TIMD4: variants seen among roughly 807,000 people sequenced by gnomAD.
TIMD4 encodes T cell immunoglobulin and mucin domain containing 4.
A neutral mutation model predicts 41.2 loss-of-function variants in TIMD4; 31 were observed. That is an observed-to-expected ratio of 0.75 (90% confidence interval 0.57 to 1.01). TIMD4 has a LOEUF of 1.01. Ranked by LOEUF, TIMD4 falls within the 50% of genes least tolerant of loss-of-function variation. The probability of loss-of-function intolerance (pLI) is 0.00; values close to 1 mark genes in which losing one functional copy is unlikely to be tolerated. For missense variants in TIMD4, 479 were observed against 472.5 expected (o/e 1.01, Z -0.13); for synonymous variants, 204 against 177.1 (o/e 1.15, Z -1.21).
At chr5:156,959,552 G>A (rs1450226908) in intron 1 of TIMD4, among the ~76,000 whole-genome samples, 1 of 152,180 alleles carries the variant, frequency 6.6e-6, no homozygotes, top group East Asian at 1.9e-4. Flanking sequence ...TACCTGGAAT[G>A]GTGGATACAA....
chr5:156,925,296 A>C (rs1759327162), intron 6 of TIMD4, among the ~76,000 whole-genome samples: 1 of 152,192 alleles, frequency 6.6e-6, no homozygotes, highest in Non-Finnish European at 1.5e-5. Flanking sequence ...GGCAAGAGTG[A>C]GACTTTGTCT....
chr5:156,946,519 C>T (rs1332626896), intron 5 of TIMD4, among the ~76,000 whole-genome samples: 1 of 152,280 alleles, frequency 6.6e-6, no homozygotes, highest in Non-Finnish European at 1.5e-5. Flanking sequence ...ACTCGTCGCC[C>T]AGGCTGGAGT....
At chr5:156,949,515 A>G in intron 4 of TIMD4, 136 bp downstream of exon 4, 1 of 719,976 alleles carries the variant, frequency 1.4e-6, no homozygotes, top group Non-Finnish European at 2.5e-6. Flanking sequence ...CTTGAGGCCA[A>G]TTTGCCACAG....
chr5:156,923,738 G>T (rs1159232527), intron 6 of TIMD4, among the ~76,000 whole-genome samples: 1 of 150,952 alleles, frequency 6.6e-6, no homozygotes, highest in East Asian at 2.0e-4. Flanking sequence ...TAGAGACAGA[G>T]TCTCACTATT....
At chr5:156,929,311 C>A (rs931818404) in intron 5 of TIMD4, among the ~76,000 whole-genome samples, 4 of 152,160 alleles carry the variant, frequency 2.6e-5, no homozygotes, top group African/African-American at 9.7e-5. Flanking sequence ...CCTCCCAGAA[C>A]TTGGGAGTAA....
intron 2 of TIMD4, among the ~76,000 whole-genome samples, chr5:156,952,631 G>A (rs1478116824): frequency 6.6e-6 from 1 of 152,130 alleles, no homozygotes; most frequent in African/African-American, 2.4e-5. Context: ...CTGCAAGGAG[G>A]CCATGTAGAT....
Position 156,954,477 on chromosome 5 carries a change from C to A in TIMD4, c.338G>T (p.Arg113Leu), listed in dbSNP as rs139335693. The change falls in exon 2 of 9, where the codon CGC becomes CTC. Residue 113 changes from arginine (R) to leucine (L), a missense_variant. Coordinates refer to ENST00000274532, the MANE Select transcript of TIMD4 (RefSeq NM_138379.3). ...SESDSGVYCC[R>L]IEVPGWFNDV... ...GTTGAACCAGCCAGGCACTTCTATG[C>A]GGCAGCAGTACACACCGCTGTCACT... is the stretch of plus-strand genomic sequence containing the variant. The A allele has an allele frequency of 4.2e-5, 67 of 1,614,088 alleles. No homozygotes were observed. Among genetic ancestry groups the A allele is most frequent in the Middle Eastern group, 3.3e-4 (2 of 6,084 alleles).
chr5:156,921,831 C>T (rs1759247555), intron 7 of TIMD4, among the ~76,000 whole-genome samples: 1 of 152,124 alleles, frequency 6.6e-6, no homozygotes, highest in Non-Finnish European at 1.5e-5. Context: ...ACCATCAGGA[C>T]TGGCACAGAA....
At chr5:156,947,866 A>G (rs1342250695) in intron 5 of TIMD4, among the ~76,000 whole-genome samples, 2 of 152,242 alleles carry the variant, frequency 1.3e-5, no homozygotes, top group Non-Finnish European at 2.9e-5. Flanking sequence ...TTTTATTTCT[A>G]TCTGTTTCTA....
intron 1 of TIMD4, 126 bp downstream of exon 1, chr5:156,963,015 A>C (rs1448037316): frequency 2.2e-6 from 2 of 890,850 alleles, no homozygotes; most frequent in Non-Finnish European, 3.7e-6. Flanking sequence ...CCTGGTAGGG[A>C]GAGGGGAGGG....
chr5:156,957,796 C>T (rs559425291), intron 1 of TIMD4, among the ~76,000 whole-genome samples: 1 of 152,106 alleles, frequency 6.6e-6, no homozygotes, highest in Non-Finnish European at 1.5e-5. Context: ...TCACTGGACT[C>T]CAGCCTGGGC....
intron 1 of TIMD4, among the ~76,000 whole-genome samples, chr5:156,958,402 A>G (rs1459702184): frequency 6.6e-6 from 1 of 151,770 alleles, no homozygotes; most frequent in Non-Finnish European, 1.5e-5. Flanking sequence ...CCAATAGAGA[A>G]ACTAGCAGAG....
At chr5:156,939,388 T>A (rs1334322981) in intron 5 of TIMD4, among the ~76,000 whole-genome samples, 1 of 152,192 alleles carries the variant, frequency 6.6e-6, no homozygotes, top group African/African-American at 2.4e-5. Flanking sequence ...AGCAATGACC[T>A]CCCAAATTAT....
At chr5:156,941,143 C>T (rs1581622086) in intron 5 of TIMD4, among the ~76,000 whole-genome samples, 2 of 152,160 alleles carry the variant, frequency 1.3e-5, no homozygotes, top group East Asian at 1.9e-4. Flanking sequence ...CATCACCACT[C>T]CCTAATCTCA....
intron 5 of TIMD4, among the ~76,000 whole-genome samples, chr5:156,945,173 A>G (rs1759717598): frequency 6.6e-6 from 1 of 152,200 alleles, no homozygotes; most frequent in Admixed American, 6.5e-5. Flanking sequence ...CAGAGGGGAG[A>G]CCAGGAGGAA....
At chr5:156,921,496 T>C (rs1423371936) in intron 7 of TIMD4, among the ~76,000 whole-genome samples, 1 of 151,382 alleles carries the variant, frequency 6.6e-6, no homozygotes, top group Non-Finnish European at 1.5e-5. Flanking sequence ...GGCGTGAACC[T>C]GTAGTCTCAG....
At chr5:156,948,572 G>A in intron 4 of TIMD4, 73 bp from the exon 5 acceptor site, 2 of 945,860 alleles carry the variant, frequency 2.1e-6, no homozygotes, top group South Asian at 2.5e-5. Context: ...GTACTCAACT[G>A]TCCCTATACT....
chr5:156,941,892 A>AGCAT lies in TIMD4; in HGVS notation c.844+6520_844+6523dup, dbSNP rs1561549597. ...CCATGTGCAACCACATATCCCTCTG[A>AGCAT]GCATGCCTTAACTCCATGGAAAGGC... On this transcript the variant is annotated intron_variant, in intron 5 of 8. Transcript: ENST00000274532. Among the ~76,000 whole-genome samples, 4 of 152,324 alleles carry AGCAT rather than the reference A, an allele frequency of 2.6e-5. No individual in the cohort carries two copies. The South Asian group carries it at 8.3e-4, about 32-fold the overall frequency.
chr5:156,944,436 T>A (rs1159005769), intron 5 of TIMD4, among the ~76,000 whole-genome samples: 2 of 151,904 alleles, frequency 1.3e-5, no homozygotes, highest in Non-Finnish European at 2.9e-5. Flanking sequence ...TCAGACACAG[T>A]TTAAAATCTC....
Sources: gnomAD v4.1 joint callset for allele counts (sites outside exome capture counted in the v4.1 genomes callset) on GRCh38, gnomAD v4.1.1 for gene constraint, MANE v1.5 for transcripts, NCBI Gene and HGNC (gene_info 2026-07-23, HGNC 2026-07-21) for gene names.